Variants in ADIPOR2 observed in about 807,000 individuals in gnomAD.
ADIPOR2 encodes the protein adiponectin receptor 2, also known as adiponectin receptor protein 2.
ADIPOR2 carries 18 observed loss-of-function variants against 40.9 expected under a neutral mutation model. The ratio of observed to expected loss-of-function variants is 0.44; its 90% CI spans 0.30 to 0.65. The LOEUF (loss-of-function observed/expected upper bound fraction) is 0.65. ADIPOR2 is among the 30% of genes least tolerant of loss of function. ADIPOR2 has a pLI of 0.09. For synonymous variants in ADIPOR2, 165 were observed against 166.4 expected (o/e 0.99, Z 0.06); for missense variants, 283 against 479.2 (o/e 0.59, Z 3.82).
At chr12:1,752,537 C>T (rs1260995015) in intron 1 of ADIPOR2, among the ~76,000 whole-genome samples, 1 of 152,126 alleles carries the variant, frequency 6.6e-6, no homozygotes, top group East Asian at 1.9e-4. Flanking sequence ...CTTTTACTCA[C>T]CCCAGTCTTA....
In ADIPOR2 at chr12:1,788,633, C is replaced by G. The variant is rs1862888591; in HGVS notation, c.*2561C>G. On this transcript the variant is annotated 3_prime_UTR_variant, in exon 8 of 8. Transcript: ENST00000357103. ...GTTCCATTGATGTGGGATTTCCCTA[C>G]TTGCTGTATTCTCAGTTTCTAATAA... is the stretch of plus-strand genomic sequence containing the variant. The G allele has an allele frequency of 6.5e-6, 1 of 152,738 alleles. No homozygotes were observed. Among genetic ancestry groups the G allele is most frequent in the African/African-American group, 2.4e-5 (1 of 41,562 alleles). The allele number at this position is 152,738 out of a possible 1,614,324, so 9.5% of individuals were successfully genotyped here.
intron 2 of ADIPOR2, among the ~76,000 whole-genome samples, chr12:1,759,462 G>GT (rs1350875682): frequency 2.6e-5 from 4 of 152,114 alleles, no homozygotes; most frequent in African/African-American, 9.7e-5. Context: ...GGGGTGTCTC[G>GT]TTTTTTATTA....
chr12:1,714,767 C>T (rs1275952917), intron 1 of ADIPOR2, among the ~76,000 whole-genome samples: 2 of 152,136 alleles, frequency 1.3e-5, no homozygotes, highest in Admixed American at 6.5e-5. Flanking sequence ...TATCTCCAAA[C>T]TCTTGGGCTG....
At chr12:1,698,337 C>T (rs2094643543) in intron 1 of ADIPOR2, among the ~76,000 whole-genome samples, 1 of 152,066 alleles carries the variant, frequency 6.6e-6, no homozygotes, top group African/African-American at 2.4e-5. Flanking sequence ...TCAAACAGTC[C>T]TCCCAACTGA....
intron 1 of ADIPOR2, among the ~76,000 whole-genome samples, chr12:1,728,958 GTT>G (rs66842156): frequency 0.3 from 32,803 of 109,976 alleles, 4,159 homozygotes; most frequent in Admixed American, 0.45. Context: ...GTTCTGGACT[GTT>G]TTTTTTTTTT....
chr12:1,777,184 C>CCA (rs1264642950), intron 3 of ADIPOR2, among the ~76,000 whole-genome samples: 6 of 144,670 alleles, frequency 4.1e-5, no homozygotes, highest in Admixed American at 1.4e-4. Flanking sequence ...CATATTAACA[C>CCA]CACAGGGATT....
intron 2 of ADIPOR2, among the ~76,000 whole-genome samples, chr12:1,759,127 TTTTTGGCAG>T (rs1862213551): frequency 6.6e-6 from 1 of 152,212 alleles, no homozygotes; most frequent in Non-Finnish European, 1.5e-5. Context: ...TTGGTCTTGT[TTTTTGGCAG>T]AAGTTGTTGC....
intron 1 of ADIPOR2, among the ~76,000 whole-genome samples, chr12:1,751,355 A>G (rs1030487555): frequency 7.2e-5 from 11 of 152,264 alleles, no homozygotes; most frequent in Non-Finnish European, 1.2e-4. Context: ...AGGAATGTAT[A>G]TTGATCTCAG....
intron 2 of ADIPOR2, among the ~76,000 whole-genome samples, chr12:1,767,049 CA>C (rs1192887629): frequency 6.6e-6 from 1 of 152,076 alleles, no homozygotes; most frequent in Non-Finnish European, 1.5e-5. Flanking sequence ...GCGGGTGGAT[CA>C]CCTGAGGTCA....
chr12:1,722,811 A>T (rs917248427), intron 1 of ADIPOR2, among the ~76,000 whole-genome samples: 3 of 152,230 alleles, frequency 2.0e-5, no homozygotes, highest in African/African-American at 7.2e-5. Flanking sequence ...TCCTTCTGTG[A>T]CATGAGAGTC....
At chr12:1,717,555 A>G (rs1383319069) in intron 1 of ADIPOR2, among the ~76,000 whole-genome samples, 1 of 152,132 alleles carries the variant, frequency 6.6e-6, no homozygotes, top group East Asian at 1.9e-4. Context: ...AAAATACAAA[A>G]TTAGCCAGGC....
chr12:1,727,212 G>C (rs2094709626), intron 1 of ADIPOR2, among the ~76,000 whole-genome samples: 2 of 152,252 alleles, frequency 1.3e-5, no homozygotes, highest in South Asian at 2.1e-4. Context: ...TTTGCTCTTA[G>C]AGCTTGTAGG....
chr12:1,772,864 G>A lies in ADIPOR2; in HGVS notation c.194G>A (p.Ser65Asn), dbSNP rs1314335380. 6.2e-7 allele frequency: 1 copy of A among 1,613,198 alleles called. No individual in the cohort carries two copies. The highest frequency in any genetic ancestry group is 1.7e-5 in the Admixed American group (1 of 59,934). The change falls in exon 3 of 8, where the codon AGT becomes AAT. Residue 65 changes from serine to asparagine, a missense_variant. Ser to Asn is a conservative substitution (Grantham distance 46). Coordinates refer to ENST00000357103, the MANE Select transcript of ADIPOR2 (RefSeq NM_024551.3). ...CAGAGCTCTGAGGAACATGAATACA[G>A]TGATGAAGCTCCTCAGGAAGATGAG... ...HKKSSEEHEY[S>N]DEAPQEDEGF... is the part of the protein sequence containing the mutation.
chr12:1,698,206 TTGTGTGTGTGTGTGTGTGTG>T (rs35927419), intron 1 of ADIPOR2, among the ~76,000 whole-genome samples: 6,757 of 148,198 alleles, frequency 0.046, 249 homozygotes, highest in East Asian at 0.18. Flanking sequence ...TCTTGGCTGA[TTGTGTGTGTGTGTGTGTGTG>T]TGTGTGTGTG....
chr12:1,766,629 G>A (rs1322442492), intron 2 of ADIPOR2, among the ~76,000 whole-genome samples: 2 of 152,096 alleles, frequency 1.3e-5, no homozygotes, highest in African/African-American at 4.8e-5. Context: ...GTAAGCTTTT[G>A]GACAAAAATA....
chr12:1,754,237 TCAAAAC>T lies in ADIPOR2; in HGVS notation c.-86-20_-86-15del. The stretch of plus-strand genomic sequence containing the variant: ...CCCAGCACTCCTTTAATGCATTTTT[TCAAAAC>T]TTTCATCTTCTTAGGATCAACTCAC... On this transcript the variant is annotated splice_polypyrimidine_tract_variant and intron_variant, in intron 1 of 7. Transcript: ENST00000357103. 8.4e-7 allele frequency: 1 copy of T among 1,183,564 alleles called. No individual in the cohort carries two copies. Among genetic ancestry groups the T allele is most frequent in the Non-Finnish European group, 1.1e-6 (1 of 886,374 alleles). 73.3% of individuals were successfully genotyped at this position (1,183,564 alleles called of 1,614,324 possible).
chr12:1,692,692 G>A (rs1255579337), intron 1 of ADIPOR2, among the ~76,000 whole-genome samples: 1 of 148,568 alleles, frequency 6.7e-6, no homozygotes, highest in African/African-American at 2.5e-5. Flanking sequence ...ATAAATAAAT[G>A]GTTTTTTCTA....
At chr12:1,752,341 C>A (rs541118630) in intron 1 of ADIPOR2, among the ~76,000 whole-genome samples, 1 of 145,380 alleles carries the variant, frequency 6.9e-6, no homozygotes, top group Non-Finnish European at 1.5e-5. Flanking sequence ...TCAAGTAATC[C>A]TCTCACCTTG....
At chr12:1,692,629 C>T (rs776188965) in intron 1 of ADIPOR2, among the ~76,000 whole-genome samples, 1 of 151,932 alleles carries the variant, frequency 6.6e-6, no homozygotes, top group African/African-American at 2.4e-5. Context: ...ATTTCCAGAG[C>T]CTAAAAGAGA....
Sources: allele counts gnomAD v4.1 joint callset (sites outside exome capture counted in the v4.1 genomes callset), GRCh38; gene constraint gnomAD v4.1.1; transcripts MANE v1.5; gene names NCBI Gene and HGNC (gene_info 2026-07-23, HGNC 2026-07-21).